ZNF385D: variants seen among roughly 807,000 people sequenced by gnomAD.
ZNF385D encodes zinc finger protein 385D.
Under a neutral mutation model 35.8 loss-of-function variants are expected in ZNF385D, and 15 were observed. That is an observed-to-expected ratio of 0.42 (90% CI 0.28 to 0.64). ZNF385D has a LOEUF of 0.64. Ranked by LOEUF, ZNF385D falls within the 30% of genes least tolerant of loss-of-function variation. The pLI, the probability that ZNF385D is intolerant of heterozygous loss-of-function variation, is 0.23. For missense variants in ZNF385D, 474 were observed against 494.6 expected, an observed-to-expected ratio of 0.96 and a Z score of 0.39; for synonymous variants, 212 against 186.8, an observed-to-expected ratio of 1.13 and a Z score of -1.10.
chr3:21,788,187 T>C (rs944764045), intron 3 of ZNF385D, among the ~76,000 whole-genome samples: 5 of 152,230 alleles, frequency 3.3e-5, no homozygotes, highest in East Asian at 1.9e-4. Flanking sequence ...AATAGAAAGA[T>C]AGTAAGATGG....
rs144646667 is a variant in ZNF385D at position 21,483,482 on chromosome 3, G to A, written c.439+27379C>T. 4.1e-3 allele frequency among the ~76,000 whole-genome samples: 626 copies of A among 152,274 alleles called. 3 individuals carry two copies. The highest frequency in any genetic ancestry group is 7.1e-3 in the Non-Finnish European group (486 of 68,022). On this transcript the variant is annotated intron_variant, in intron 4 of 7. Coordinates refer to ENST00000281523, the MANE Select transcript of ZNF385D (RefSeq NM_024697.3). ...CAGCAGTAAGATTGCTGGGTCATAT[G>A]GCAAGTATATGTTTACTTTTACAAG...
At chr3:21,748,981 C>G (rs140828518) in intron 1 of ZNF385D, among the ~76,000 whole-genome samples, 6 of 151,892 alleles carry the variant, frequency 4.0e-5, no homozygotes, top group African/African-American at 1.5e-4. Context: ...ACAGCTTGTA[C>G]GAGAAGCTGC....
intron 2 of ZNF385D, among the ~76,000 whole-genome samples, chr3:22,277,343 C>A (rs1701481165): frequency 6.6e-6 from 1 of 151,990 alleles, no homozygotes; most frequent in Admixed American, 6.6e-5. Flanking sequence ...TAGACACAAC[C>A]TGTACTGGTG....
chr3:22,072,542 G>C (rs1447152175), intron 3 of ZNF385D, among the ~76,000 whole-genome samples: 1 of 151,912 alleles, frequency 6.6e-6, no homozygotes, highest in African/African-American at 2.4e-5. Flanking sequence ...ATGGAGATTG[G>C]TTATAGAGTT....
chr3:22,178,229 C>T (rs1475047452), intron 2 of ZNF385D, among the ~76,000 whole-genome samples: 2 of 152,218 alleles, frequency 1.3e-5, no homozygotes, highest in Non-Finnish European at 2.9e-5. Flanking sequence ...TATTTCTCCA[C>T]ATCCTCTCCA....
chr3:22,000,868 C>A (rs1427251718), intron 3 of ZNF385D, among the ~76,000 whole-genome samples: 1 of 148,756 alleles, frequency 6.7e-6, no homozygotes, highest in Admixed American at 6.7e-5. Context: ...GAATTCATTA[C>A]AATTAGACCA....
chr3:22,187,491 TAC>T (rs1038663357), intron 2 of ZNF385D, among the ~76,000 whole-genome samples: 3 of 151,712 alleles, frequency 2.0e-5, no homozygotes, highest in Non-Finnish European at 4.4e-5. Context: ...CACACACAGA[TAC>T]ACACACACAC....
chr3:21,833,668 G>A (rs1004457243), intron 3 of ZNF385D, among the ~76,000 whole-genome samples: 2 of 152,100 alleles, frequency 1.3e-5, no homozygotes, highest in South Asian at 4.1e-4. Context: ...ACAGCTCCAG[G>A]AAACAAAATA....
intron 3 of ZNF385D, among the ~76,000 whole-genome samples, chr3:22,003,310 C>T (rs1360841867): frequency 6.6e-6 from 1 of 152,048 alleles, no homozygotes; most frequent in African/African-American, 2.4e-5. Context: ...ATATCAAGAC[C>T]ACAATTTCAT....
intron 3 of ZNF385D, among the ~76,000 whole-genome samples, chr3:21,995,555 A>G (rs1481132970): frequency 3.3e-5 from 5 of 152,004 alleles, no homozygotes; most frequent in Non-Finnish European, 7.4e-5. Flanking sequence ...GATGATGTGC[A>G]TGAGTGCTGG....
chr3:21,738,654 A>AT (rs765745202), intron 1 of ZNF385D, among the ~76,000 whole-genome samples: 19 of 152,272 alleles, frequency 1.2e-4, no homozygotes, highest in Admixed American at 3.3e-4. Context: ...AAATATGAAC[A>AT]TTTACTAATC....
chr3:21,855,560 A>C (rs1696662047), intron 3 of ZNF385D, among the ~76,000 whole-genome samples: 1 of 151,818 alleles, frequency 6.6e-6, no homozygotes, highest in African/African-American at 2.4e-5. Context: ...GAATCCATTA[A>C]AAGTACAGTT....
chr3:21,496,876 A>G (rs1343459304), intron 4 of ZNF385D, among the ~76,000 whole-genome samples: 2 of 152,120 alleles, frequency 1.3e-5, no homozygotes, highest in African/African-American at 4.8e-5. Flanking sequence ...CTCTCAACAA[A>G]CTAAGCATTA....
chr3:22,045,078 T>C (rs917367150), intron 3 of ZNF385D, among the ~76,000 whole-genome samples: 1 of 152,132 alleles, frequency 6.6e-6, no homozygotes, highest in Non-Finnish European at 1.5e-5. Flanking sequence ...ACTGTACTTG[T>C]TTATTAGCTC....
Position 22,220,167 on chromosome 3 carries a change from G to T in ZNF385D, c.107-51132C>A, listed in dbSNP as rs892251409. 1.3e-4 allele frequency among the ~76,000 whole-genome samples: 20 copies of T among 151,084 alleles called. 1 individual carries two copies. The highest frequency in any genetic ancestry group is 1.1e-3 in the Admixed American group (17 of 15,154). On this transcript the variant is annotated intron_variant, in intron 2 of 5. Transcript: ENST00000494108. ...TAGCCTCAACCTCCTGGGATCAAGC[G>T]ATCCTCCCACCTCAGCCACCTGAGT...
At chr3:22,346,496 GAAC>G (rs1327197322) in intron 2 of ZNF385D, among the ~76,000 whole-genome samples, 10 of 152,160 alleles carry the variant, frequency 6.6e-5, no homozygotes, top group African/African-American at 2.2e-4. Flanking sequence ...TTTATCCCAA[GAAC>G]AACTTACGAG....
At chr3:21,466,705 A>T (rs975639936) in intron 4 of ZNF385D, among the ~76,000 whole-genome samples, 6 of 151,984 alleles carry the variant, frequency 3.9e-5, no homozygotes, top group African/African-American at 9.7e-5. Flanking sequence ...AAAATTTGTT[A>T]AAAAAAATGA....
chr3:21,505,466 G>C (rs1486498446), intron 4 of ZNF385D, among the ~76,000 whole-genome samples: 1 of 152,162 alleles, frequency 6.6e-6, no homozygotes, highest in Non-Finnish European at 1.5e-5. Context: ...TACACGTAGA[G>C]AGTAAACTAT....
At chr3:22,285,647 A>G (rs954414890) in intron 2 of ZNF385D, among the ~76,000 whole-genome samples, 2 of 152,028 alleles carry the variant, frequency 1.3e-5, no homozygotes, top group African/African-American at 4.8e-5. Context: ...TCATCATTTA[A>G]CATTAGGTAT....
Sources: gnomAD v4.1 joint callset for allele counts (sites outside exome capture counted in the v4.1 genomes callset) on GRCh38, gnomAD v4.1.1 for gene constraint, MANE v1.5 for transcripts, NCBI Gene and HGNC (gene_info 2026-07-23, HGNC 2026-07-21) for gene names.